The following ZFR2 variants were observed in gnomAD, a reference collection of about 807,000 sequenced individuals.
ZFR2 encodes zinc finger RNA-binding protein 2.
Under a neutral mutation model 105.7 loss-of-function variants are expected in ZFR2, and 104 were observed. The ratio of observed to expected loss-of-function variants is 0.98; its 90% confidence interval spans 0.84 to 1.16. ZFR2 has a LOEUF of 1.16. Among genes scored for constraint, ZFR2 ranks in the 50% most tolerant of loss-of-function variants. ZFR2 has a pLI of 0.00. For synonymous variants in ZFR2, 634 were observed against 597.7 expected, an observed-to-expected ratio of 1.06 and a Z score of -0.89; for missense variants, 1,425 against 1,355.5, an observed-to-expected ratio of 1.05 and a Z score of -0.80.
chr19:3,812,964 C>G (rs1360926300), intron 14 of ZFR2, among the ~76,000 whole-genome samples: 2 of 152,096 alleles, frequency 1.3e-5, no homozygotes. Flanking sequence ...ACCTGTAGTC[C>G]CAGCTACTCG....
chr19:3,813,729 C>T lies in ZFR2; in HGVS notation c.2242+91G>A. The stretch of plus-strand genomic sequence containing the variant: ...CTGCTGTGGCATTTCCTGCTCAGGG[C>T]AGAGGCGGACGCTGCCCCAGGCCTG... On this transcript the variant is annotated intron_variant, in intron 14 of 18. Transcript: ENST00000262961. This position sits in a 1 kb window ranked among gnomAD's most constrained non-coding sequence, Gnocchi z 4.4. 6.4e-7 allele frequency: 1 copy of T among 1,551,166 alleles called. No homozygotes were observed. The highest frequency in any genetic ancestry group is 1.2e-5 in the South Asian group (1 of 83,892).
At chr19:3,848,473 G>A (rs1829018791) in intron 1 of ZFR2, among the ~76,000 whole-genome samples, 1 of 152,080 alleles carries the variant, frequency 6.6e-6, no homozygotes, top group Non-Finnish European at 1.5e-5. Context: ...CACTCTGGGA[G>A]GCCAAGATGG....
At chr19:3,822,232 G>A (rs1233049892) in intron 8 of ZFR2, 32 bp from the exon 9 acceptor site, 2 of 1,554,308 alleles carry the variant, frequency 1.3e-6, no homozygotes, top group Non-Finnish European at 1.7e-6. Context: ...CGCGCACCAG[G>A]CACGAGGCGG....
intron 1 of ZFR2, among the ~76,000 whole-genome samples, chr19:3,841,611 G>A (rs1335710680): frequency 6.6e-6 from 1 of 151,922 alleles, no homozygotes; most frequent in Non-Finnish European, 1.5e-5. Flanking sequence ...CTTGAGCCCA[G>A]GAATTTGAGA....
intron 1 of ZFR2, among the ~76,000 whole-genome samples, chr19:3,846,545 T>C (rs1325503955): frequency 1.3e-5 from 2 of 152,230 alleles, no homozygotes; most frequent in Non-Finnish European, 2.9e-5. Context: ...TCTGTACTTC[T>C]GCCCTGGGCC....
intron 13 of ZFR2, among the ~76,000 whole-genome samples, chr19:3,814,185 T>C (rs185900288): frequency 1.1e-4 from 17 of 152,254 alleles, no homozygotes; most frequent in South Asian, 1.0e-3. Context: ...CAACAGATCA[T>C]GTGATGCAAG....
chr19:3,825,222 A>G lies in ZFR2; in HGVS notation c.1213+8T>C, dbSNP rs746089503. ...TGGGTACACGAACACGCATACAGAC[A>G]CACGTACCCTCGCATAAGGCCTTCG... On this transcript the variant is annotated splice_region_variant and intron_variant, in intron 7 of 18. Coordinates refer to ENST00000262961, the MANE Select transcript of ZFR2 (RefSeq NM_015174.2). 2.0e-6 allele frequency: 3 copies of G among 1,518,260 alleles called. No homozygotes were observed. Among genetic ancestry groups the G allele is most frequent in the African/African-American group, 2.9e-5 (2 of 69,916 alleles). 94.0% of individuals were successfully genotyped at this position (1,518,260 alleles called of 1,614,324 possible). A position where few individuals can be genotyped will look rare whatever the true frequency, so the allele number is the denominator to read the frequency against.
At chr19:3,825,857 C>T (rs1168526110) in intron 6 of ZFR2, among the ~76,000 whole-genome samples, 1 of 152,160 alleles carries the variant, frequency 6.6e-6, no homozygotes, top group Non-Finnish European at 1.5e-5. Flanking sequence ...CACATGGTCA[C>T]GTCCGTATTC....
At chr19:3,851,126 C>T (rs980182392) in intron 1 of ZFR2, among the ~76,000 whole-genome samples, 4 of 151,942 alleles carry the variant, frequency 2.6e-5, no homozygotes, top group Admixed American at 6.6e-5. Context: ...AAGCCCCAGC[C>T]GACCAAGACA....
At position 3,813,869 on chromosome 19, in the gene ZFR2, G is replaced by C. The variant is rs370285807; in HGVS notation, c.2193C>G (p.Thr731=). Residue 731 remains threonine (T), a synonymous_variant, in exon 14 of 19, where the codon ACC becomes ACG. Coordinates refer to ENST00000262961, the MANE Select transcript of ZFR2 (RefSeq NM_015174.2). This position sits in a 1 kb window ranked among gnomAD's most constrained non-coding sequence, Gnocchi z 4.4. ...SSCEEPRMQV[T]ISVTSPLMRE... The stretch of plus-strand genomic sequence containing the variant: ...GCATCAGAGGTGAGGTGACAGATAT[G>C]GTGACCTGCATCCTGGGCTCCTCAC... The C allele has an allele frequency of 2.2e-5, 36 of 1,613,778 alleles. No individual in the cohort carries two copies. Among genetic ancestry groups the C allele is most frequent in the Non-Finnish European group, 3.0e-5 (35 of 1,179,868 alleles).
At chr19:3,812,058 C>A (rs1378955399) in intron 14 of ZFR2, among the ~76,000 whole-genome samples, 1 of 152,148 alleles carries the variant, frequency 6.6e-6, no homozygotes, top group South Asian at 2.1e-4. Context: ...ATTTTCCTGC[C>A]TCAACCTCCT....
At chr19:3,808,559 C>G (rs1053964556) in intron 17 of ZFR2, among the ~76,000 whole-genome samples, 1 of 152,202 alleles carries the variant, frequency 6.6e-6, no homozygotes, top group Non-Finnish European at 1.5e-5. Flanking sequence ...CAGAGTGGCT[C>G]TGTGCCGGGG....
intron 4 of ZFR2, 40 bp downstream of exon 4, chr19:3,831,620 C>T: frequency 6.6e-7 from 1 of 1,520,616 alleles, no homozygotes; most frequent in South Asian, 1.3e-5. Flanking sequence ...GAAGTGGGGA[C>T]CGACGGGCAG....
chr19:3,817,610 A>G (rs2037840125), intron 12 of ZFR2, among the ~76,000 whole-genome samples: 1 of 102,830 alleles, frequency 9.7e-6, no homozygotes, highest in South Asian at 3.3e-4. Flanking sequence ...AATAATAATT[A>G]GCTGGGTGTG....
rs549903227 is a variant in ZFR2, at chr19:3,842,051, C to T, written c.54-7068G>A. Among the ~76,000 whole-genome samples, 3 of 151,552 alleles carry T rather than the reference C, an allele frequency of 2.0e-5. No homozygotes were observed. The East Asian group carries it at 5.9e-4, about 30-fold the overall frequency. ...TTTTTGAGATAGGGTCTGGCTCTGT[C>T]ACCCAGGCTGTAGTGCAGTGGCATG... On this transcript the variant is annotated intron_variant, in intron 1 of 18. Coordinates refer to ENST00000262961, the MANE Select transcript of ZFR2 (RefSeq NM_015174.2).
At position 3,813,771 on chromosome 19, in the gene ZFR2, T is replaced by A. The variant is rs2037796378; in HGVS notation, c.2242+49A>T. The A allele has an allele frequency of 6.2e-7, 1 of 1,605,116 alleles. No homozygotes were observed. The highest frequency in any genetic ancestry group is 1.3e-5 in the African/African-American group (1 of 74,740). On this transcript the variant is annotated intron_variant, in intron 14 of 18. Coordinates refer to ENST00000262961, the MANE Select transcript of ZFR2 (RefSeq NM_015174.2). This position sits in a 1 kb window ranked among gnomAD's most constrained non-coding sequence, Gnocchi z 4.4. Reference sequence around the variant, plus strand: ...CCAGGCCTGGGTGTGGGGAGCGCCCTGGGGAAGCGTGAGGGGGACAGTGGT... The same window carrying A: ...CCAGGCCTGGGTGTGGGGAGCGCCCAGGGGAAGCGTGAGGGGGACAGTGGT...
intron 10 of ZFR2, 117 bp from the exon 11 acceptor site, chr19:3,820,407 G>T (rs1568420546): frequency 1.0e-6 from 1 of 978,076 alleles, no homozygotes; most frequent in Non-Finnish European, 1.5e-6. Flanking sequence ...CAAAGCTCTT[G>T]CTGGGGCTCC....
intron 7 of ZFR2, 86 bp downstream of exon 7, chr19:3,825,144 G>A (rs1436614169): frequency 5.8e-6 from 8 of 1,369,254 alleles, no homozygotes; most frequent in Non-Finnish European, 6.6e-6. Context: ...GACGAAAATC[G>A]ACTGGATGGT....
At chr19:3,826,933 A>G (rs2037957089) in intron 6 of ZFR2, among the ~76,000 whole-genome samples, 1 of 152,158 alleles carries the variant, frequency 6.6e-6, no homozygotes, top group Admixed American at 6.5e-5. Context: ...TGCAATGAGC[A>G]GGAACCCTTT....
Sources: allele counts gnomAD v4.1 joint callset (sites outside exome capture counted in the v4.1 genomes callset), GRCh38; gene constraint gnomAD v4.1.1; non-coding constraint Gnocchi (gnomAD v3.1); transcripts MANE v1.5; gene names NCBI Gene and HGNC (gene_info 2026-07-23, HGNC 2026-07-21).